Variants in CACNB2 observed in about 807,000 individuals in gnomAD.
CACNB2 encodes voltage-dependent L-type calcium channel subunit beta-2.
A neutral mutation model predicts 73.3 loss-of-function variants in CACNB2; 42 were observed. That is an observed-to-expected ratio of 0.57 (90% CI 0.45 to 0.74). The LOEUF (loss-of-function observed/expected upper bound fraction) is 0.74. Ranked by LOEUF, CACNB2 falls within the 30% of genes least tolerant of loss-of-function variation. CACNB2 has a pLI of 0.00. For missense variants in CACNB2, 940 were observed against 853.0 expected (o/e 1.10, Z -1.27); for synonymous variants, 348 against 310.3 (o/e 1.12, Z -1.28).
intron 2 of CACNB2, among the ~76,000 whole-genome samples, chr10:18,213,370 A>G (rs1475648844): frequency 2.0e-5 from 3 of 152,228 alleles, no homozygotes; most frequent in Non-Finnish European, 4.4e-5. Context: ...AGAATTGTGC[A>G]TAACTGTGAA....
Position 18,249,201 on chromosome 10 carries a change from C to T in CACNB2, c.213+98226C>T, listed in dbSNP as rs1468370903. Among the ~76,000 whole-genome samples the T allele has an allele frequency of 2.0e-5, 3 of 152,136 alleles. No individual in the cohort carries two copies. In the East Asian group the frequency reaches 5.8e-4, roughly 29 times the overall value. ...ACCATTAAATCCACCCACTGGTACC[C>T]AAATCTTCTGCTTCCTTCCTGCGAC... On this transcript the variant is annotated intron_variant, in intron 2 of 13. Transcript: ENST00000324631.
At chr10:18,304,074 C>T (rs1254079079) in intron 2 of CACNB2, among the ~76,000 whole-genome samples, 2 of 152,156 alleles carry the variant, frequency 1.3e-5, no homozygotes, top group Admixed American at 6.5e-5. Flanking sequence ...TCCTACCTCA[C>T]CCTCCTGAGT....
chr10:18,433,929 C>T (rs923975870), intron 3 of CACNB2, among the ~76,000 whole-genome samples: 5 of 151,956 alleles, frequency 3.3e-5, no homozygotes, highest in African/African-American at 7.3e-5. Context: ...TAGCTTGGAA[C>T]TTCTTGGAAC....
chr10:18,261,102 A>C, intron 2 of CACNB2: 1 of 1,481,842 alleles, frequency 6.7e-7, no homozygotes, highest in Non-Finnish European at 9.0e-7. Flanking sequence ...TGCCTGCAGG[A>C]ACGGTGGCTT....
In CACNB2 at chr10:18,374,222, C is replaced by G. The variant is rs114405269; in HGVS notation, c.214-27702C>G. On this transcript the variant is annotated intron_variant, in intron 2 of 13. Transcript: ENST00000324631. ...AAGATTTGAACATGAGGTGTTGCCTCTGAAGTTTCCAGAACAGGGAAGGCT... is the reference window on the plus strand; with the variant it reads ...AAGATTTGAACATGAGGTGTTGCCTGTGAAGTTTCCAGAACAGGGAAGGCT... Among the ~76,000 whole-genome samples, 1,056 of 152,266 alleles carry G rather than the reference C, an allele frequency of 6.9e-3. 14 individuals are homozygous for G. The highest frequency in any genetic ancestry group is 0.025 in the African/African-American group (1,018 of 41,540).
intron 2 of CACNB2, among the ~76,000 whole-genome samples, chr10:18,176,078 G>T (rs534972590): frequency 6.6e-6 from 1 of 152,194 alleles, no homozygotes; most frequent in African/African-American, 2.4e-5. Flanking sequence ...TTATACATGA[G>T]AATATTTCAT....
chr10:18,457,851 T>C (rs1386894831), intron 3 of CACNB2, among the ~76,000 whole-genome samples: 2 of 151,924 alleles, frequency 1.3e-5, no homozygotes, highest in African/African-American at 2.4e-5. Flanking sequence ...GATTGCACCA[T>C]TGTACTCCAG....
chr10:18,519,891 G>A (rs928613954), intron 9 of CACNB2: 1 of 365,750 alleles, frequency 2.7e-6, no homozygotes, highest in African/African-American at 2.1e-5. Flanking sequence ...TTGACCATGA[G>A]CAGTAGTTGA....
At chr10:18,490,270 C>G (rs1278762949) in intron 3 of CACNB2, among the ~76,000 whole-genome samples, 1 of 152,158 alleles carries the variant, frequency 6.6e-6, no homozygotes, top group Non-Finnish European at 1.5e-5. Context: ...CGGCTTTAGT[C>G]CACAAACCAA....
At chr10:18,408,862 T>A (rs2044448008) in intron 3 of CACNB2, among the ~76,000 whole-genome samples, 2 of 152,158 alleles carry the variant, frequency 1.3e-5, no homozygotes, top group African/African-American at 4.8e-5. Context: ...TGTTTATTAT[T>A]ATTTTTTTAG....
intron 2 of CACNB2, among the ~76,000 whole-genome samples, chr10:18,220,495 C>G (rs568279232): frequency 1.3e-5 from 2 of 151,906 alleles, no homozygotes; most frequent in Admixed American, 6.6e-5. Flanking sequence ...ATCCTGACCT[C>G]AAGTCATCTG....
At chr10:18,262,544 A>G (rs934351366) in intron 2 of CACNB2, among the ~76,000 whole-genome samples, 6 of 152,326 alleles carry the variant, frequency 3.9e-5, no homozygotes, top group African/African-American at 1.4e-4. Flanking sequence ...GCAGGGATAG[A>G]TGGTTTTTAT....
At chr10:18,356,569 G>C (rs1342590167) in intron 2 of CACNB2, among the ~76,000 whole-genome samples, 1 of 151,836 alleles carries the variant, frequency 6.6e-6, no homozygotes, top group Non-Finnish European at 1.5e-5. Flanking sequence ...AGTTTGCTTC[G>C]TATAAATGTA....
intron 2 of CACNB2, among the ~76,000 whole-genome samples, chr10:18,303,163 C>A (rs533240997): frequency 6.6e-6 from 1 of 152,166 alleles, no homozygotes; most frequent in Admixed American, 6.5e-5. Flanking sequence ...TCTCTCATGG[C>A]TGTGCGGGAG....
intron 3 of CACNB2, among the ~76,000 whole-genome samples, chr10:18,436,930 G>T (rs1337353700): frequency 6.6e-6 from 1 of 152,094 alleles, no homozygotes; most frequent in East Asian, 1.9e-4. Context: ...ATCTCCCATG[G>T]TGCAAGAAGT....
intron 2 of CACNB2, among the ~76,000 whole-genome samples, chr10:18,215,130 T>C (rs910623743): frequency 1.3e-5 from 2 of 152,040 alleles, no homozygotes. Context: ...AGATTCCCAG[T>C]ATGGTATTCA....
At chr10:18,396,352 C>T (rs1198200846) in intron 2 of CACNB2, among the ~76,000 whole-genome samples, 1 of 152,198 alleles carries the variant, frequency 6.6e-6, no homozygotes, top group Admixed American at 6.5e-5. Flanking sequence ...GAAGGTAATT[C>T]TAAACTGTGA....
intron 2 of CACNB2, among the ~76,000 whole-genome samples, chr10:18,220,119 A>T (rs1286809562): frequency 5.8e-5 from 1 of 17,274 alleles, no homozygotes; most frequent in African/African-American, 6.4e-4. Flanking sequence ...TAATATATAT[A>T]TATATATATA....
chr10:18,184,662 T>G (rs1166388208), intron 2 of CACNB2, among the ~76,000 whole-genome samples: 3 of 150,320 alleles, frequency 2.0e-5, no homozygotes, highest in South Asian at 2.1e-4. Context: ...TTTTTTTTTT[T>G]TTTTTTTTTT....
Sources: allele counts gnomAD v4.1 joint callset (sites outside exome capture counted in the v4.1 genomes callset), GRCh38; gene constraint gnomAD v4.1.1; transcripts MANE v1.5; gene names NCBI Gene and HGNC (gene_info 2026-07-23, HGNC 2026-07-21).